The following ADAMTS6 variants were observed in gnomAD, a reference collection of about 807,000 sequenced individuals.
ADAMTS6 encodes ADAM metallopeptidase with thrombospondin type 1 motif 6, also known as A disintegrin and metalloproteinase with thrombospondin motifs 6.
Under a neutral mutation model 144.3 loss-of-function variants are expected in ADAMTS6, and 23 were observed. That is an observed-to-expected ratio of 0.16 (90% CI 0.11 to 0.23). The LOEUF is 0.23. Ranked by LOEUF, ADAMTS6 falls within the 10% of genes least tolerant of loss-of-function variation. The probability of loss-of-function intolerance (pLI) is 1.00; values close to 1 mark genes in which losing one functional copy is unlikely to be tolerated. For synonymous variants in ADAMTS6, 444 were observed against 457.5 expected (o/e 0.97, Z 0.38); for missense variants, 999 against 1,379.6 (o/e 0.72, Z 4.37).
Position 65,405,450 on chromosome 5 carries a change from G to T in ADAMTS6, c.1073+46025C>A, listed in dbSNP as rs551618588. Reference sequence around the variant, plus strand: ...CTGTCAGGTTTGTCAAAGATCAGATGGTTGTAGATGTGTGGTATTATTTCT... The same window carrying T: ...CTGTCAGGTTTGTCAAAGATCAGATTGTTGTAGATGTGTGGTATTATTTCT... On this transcript the variant is annotated intron_variant, in intron 7 of 24. Coordinates refer to ENST00000381055, the MANE Select transcript of ADAMTS6 (RefSeq NM_197941.4). Among the ~76,000 whole-genome samples the T allele has an allele frequency of 1.6e-3, 240 of 152,230 alleles. 1 individual carries two copies. Among genetic ancestry groups the T allele is most frequent in the Non-Finnish European group, 2.1e-3 (144 of 68,016 alleles).
intron 2 of ADAMTS6, 83 bp from the exon 3 acceptor site, chr5:65,471,225 AAAC>A (rs1478254446): frequency 4.1e-5 from 56 of 1,372,382 alleles, no homozygotes; most frequent in Admixed American, 2.4e-4. Flanking sequence ...GCAGCAATAT[AAAC>A]AACAACTATG....
At position 65,242,082 on chromosome 5, in the gene ADAMTS6, G is replaced by C. The variant is rs764162564; in HGVS notation, c.1933+22C>G. On this transcript the variant is annotated intron_variant, in intron 15 of 24. Transcript: ENST00000381055. ...ATTTGCAAAGTGCTCAAGCATGAAT[G>C]CTCTGTCAGGTTATACATTACCTCC... is the stretch of plus-strand genomic sequence containing the variant. 8.7e-6 allele frequency: 13 copies of C among 1,494,086 alleles called. No homozygotes were observed. In the African/African-American group the frequency reaches 1.1e-4, roughly 13 times the overall value. The allele number at this position is 1,494,086 out of a possible 1,614,324, so 92.6% of individuals were successfully genotyped here.
chr5:65,446,139 T>G (rs1471363601), intron 7 of ADAMTS6, among the ~76,000 whole-genome samples: 1 of 152,206 alleles, frequency 6.6e-6, no homozygotes, highest in African/African-American at 2.4e-5. Context: ...TCTTTAAAGA[T>G]TTTTAAAAAT....
chr5:65,448,103 C>T (rs1022726621), intron 7 of ADAMTS6, among the ~76,000 whole-genome samples: 1 of 150,072 alleles, frequency 6.7e-6, no homozygotes, highest in Non-Finnish European at 1.5e-5. Context: ...ATAGTATACA[C>T]ATATATGTAC....
At position 65,256,961 on chromosome 5, in the gene ADAMTS6, T is replaced by TTC. The variant is rs55933758; in HGVS notation, c.1830+3637_1830+3638dup. Among the ~76,000 whole-genome samples, 357 of 118,030 alleles carry TTC rather than the reference T, an allele frequency of 3.0e-3. 2 individuals are homozygous for TTC. Among genetic ancestry groups the TTC allele is most frequent in the African/African-American group, 5.4e-3 (140 of 25,958 alleles). The allele number at this position is 118,030 out of a possible 152,430, so 77.4% of individuals were successfully genotyped here. On this transcript the variant is annotated intron_variant, in intron 14 of 24. Coordinates refer to ENST00000381055, the MANE Select transcript of ADAMTS6 (RefSeq NM_197941.4). ...TGGTTTAATAAATAAGGGTCACTTT[T>TTC]TCTCTCTCTCTCTCTCTCTCTCTCT...
At position 65,225,051 on chromosome 5, in the gene ADAMTS6, A is replaced by G; in HGVS notation, c.2068-4T>C. The G allele has an allele frequency of 6.2e-7, 1 of 1,612,990 alleles. No individual in the cohort carries two copies. Among genetic ancestry groups the G allele is most frequent in the South Asian group, 1.1e-5 (1 of 90,846 alleles). On this transcript the variant is annotated splice_region_variant and splice_polypyrimidine_tract_variant and intron_variant, in intron 16 of 24. Transcript: ENST00000381055. ...AAATATTATCACAGCCTACGTGCTGAAAACAGAGAGGAATATTCAGTGTGT... is the reference window on the plus strand; with the variant it reads ...AAATATTATCACAGCCTACGTGCTGGAAACAGAGAGGAATATTCAGTGTGT...
chr5:65,220,740 C>T (rs1757266407), intron 18 of ADAMTS6, among the ~76,000 whole-genome samples: 2 of 151,080 alleles, frequency 1.3e-5, no homozygotes, highest in African/African-American at 4.9e-5. Flanking sequence ...GAGCGAGACT[C>T]CGTCTCAAAA....
chr5:65,347,515 GGC>G (rs1748443692), intron 7 of ADAMTS6, among the ~76,000 whole-genome samples: 1 of 151,874 alleles, frequency 6.6e-6, no homozygotes, highest in Admixed American at 6.6e-5. Context: ...AAGGATTAAA[GGC>G]TTAAACATAA....
At chr5:65,295,656 C>A (rs1310872194) in intron 10 of ADAMTS6, among the ~76,000 whole-genome samples, 1 of 151,968 alleles carries the variant, frequency 6.6e-6, no homozygotes, top group East Asian at 1.9e-4. Context: ...ATAATCACAA[C>A]TAAAAACCCA....
intron 7 of ADAMTS6, among the ~76,000 whole-genome samples, chr5:65,428,083 AG>A (rs1756700681): frequency 6.6e-6 from 1 of 151,568 alleles, no homozygotes; most frequent in Non-Finnish European, 1.5e-5. Flanking sequence ...AAAATTAGCC[AG>A]ATGTGGTGGT....
chr5:65,364,635 C>T (rs1333374002), intron 7 of ADAMTS6, among the ~76,000 whole-genome samples: 2 of 146,484 alleles, frequency 1.4e-5, no homozygotes, highest in African/African-American at 2.6e-5. Flanking sequence ...GGCGCAATCT[C>T]GGCTCACTGT....
intron 9 of ADAMTS6, among the ~76,000 whole-genome samples, chr5:65,325,048 C>T (rs1746029758): frequency 6.6e-6 from 1 of 152,124 alleles, no homozygotes; most frequent in African/African-American, 2.4e-5. Flanking sequence ...CAAAAGAGTA[C>T]CCACTGAGTA....
At chr5:65,310,099 T>C (rs1054298754) in intron 9 of ADAMTS6, among the ~76,000 whole-genome samples, 2 of 151,702 alleles carry the variant, frequency 1.3e-5, no homozygotes, top group Admixed American at 1.3e-4. Context: ...CTTTTAAAAG[T>C]GTGTGGCACC....
Position 65,262,844 on chromosome 5 carries a change from G to A in ADAMTS6, c.1739C>T (p.Ser580Leu), listed in dbSNP as rs933525732. 4.5e-6 allele frequency: 7 copies of A among 1,566,974 alleles called. No homozygotes were observed. In the East Asian group the frequency reaches 1.2e-4, roughly 26 times the overall value. The change falls in exon 13 of 25, where the codon TCA becomes TTA. Residue 580 changes from serine (S) to leucine (L), a missense_variant. Coordinates refer to ENST00000381055, the MANE Select transcript of ADAMTS6 (RefSeq NM_197941.4). The part of the protein sequence containing the change: ...CSRTCGGGVS[S>L]SLRHCDSPAP... ...TGGACTGTCACAGTGTCTTAGGGAT[G>A]AGGAGACGCCTCCCCCGCAGGTCCT...
chr5:65,303,527 G>A (rs569861335), intron 9 of ADAMTS6, among the ~76,000 whole-genome samples: 25 of 151,716 alleles, frequency 1.6e-4, no homozygotes, highest in Admixed American at 5.3e-4. Flanking sequence ...GTAATGTAAC[G>A]AACATTAAAT....
At chr5:65,449,321 A>G (rs576874857) in intron 7 of ADAMTS6, among the ~76,000 whole-genome samples, 1 of 152,304 alleles carries the variant, frequency 6.6e-6, no homozygotes, top group Admixed American at 6.5e-5. Flanking sequence ...ACAAGTTTAA[A>G]AAGAAAATTT....
intron 7 of ADAMTS6, among the ~76,000 whole-genome samples, chr5:65,404,416 ATAGTTTGCTGAGAATGATGGTTT>A (rs1328084481): frequency 4.6e-5 from 7 of 152,036 alleles, no homozygotes; most frequent in Non-Finnish European, 1.0e-4. Context: ...TGTCCTTGCA[ATAGTTTGCTGAGAATGATGGTTT>A]CCAGCTTCAT....
intron 11 of ADAMTS6, among the ~76,000 whole-genome samples, chr5:65,276,924 T>A (rs77199083): frequency 0.019 from 2,915 of 152,326 alleles, 101 homozygotes; most frequent in African/African-American, 0.066. Flanking sequence ...CTGATAGAAG[T>A]TAAGATTTAT....
intron 22 of ADAMTS6, 46 bp downstream of exon 22, chr5:65,187,957 TTTAGGATAGATAG>T (rs1754771876): frequency 1.9e-6 from 3 of 1,564,130 alleles, no homozygotes; most frequent in Non-Finnish European, 2.6e-6. Context: ...TATTAACTGC[TTTAGGATAGATAG>T]TTAGGACATT....
Sources: gnomAD v4.1 joint callset for allele counts (sites outside exome capture counted in the v4.1 genomes callset) on GRCh38, gnomAD v4.1.1 for gene constraint, MANE v1.5 for transcripts, NCBI Gene and HGNC (gene_info 2026-07-23, HGNC 2026-07-21) for gene names.